The following GABBR2 variants were observed in gnomAD, a reference collection of about 807,000 sequenced individuals.
GABBR2 encodes the protein G-protein coupled receptor 51.
Under a neutral mutation model 105.6 loss-of-function variants are expected in GABBR2, and 23 were observed. That is an observed-to-expected ratio of 0.22 (90% CI 0.16 to 0.31). The LOEUF is 0.31. Ranked by LOEUF, GABBR2 falls within the 10% of genes least tolerant of loss-of-function variation. GABBR2 has a pLI of 1.00. For synonymous variants in GABBR2, 478 were observed against 499.7 expected, an observed-to-expected ratio of 0.96 and a Z score of 0.58; for missense variants, 734 against 1,245.5, an observed-to-expected ratio of 0.59 and a Z score of 6.18.
At chr9:98,537,156 AG>A (rs1012606412) in intron 3 of GABBR2, among the ~76,000 whole-genome samples, 2 of 152,202 alleles carry the variant, frequency 1.3e-5, no homozygotes, top group African/African-American at 4.8e-5. Context: ...CCTGGGCATC[AG>A]GATTTTCAAA....
intron 13 of GABBR2, among the ~76,000 whole-genome samples, chr9:98,330,793 G>A (rs1035354674): frequency 9.2e-5 from 14 of 152,140 alleles, no homozygotes; most frequent in Admixed American, 3.3e-4. Context: ...ACCATTTTAG[G>A]TGTATAATTC....
chr9:98,461,286 A>C lies in GABBR2; in HGVS notation c.1000-7069T>G, dbSNP rs915012167. On this transcript the variant is annotated intron_variant, in intron 6 of 18. Coordinates refer to ENST00000259455, the MANE Select transcript of GABBR2 (RefSeq NM_005458.8). ...GCCAAGAAAATCTTAAAGAAGAACA[A>C]AGATTAAGGATTTATACTACAAAGT... Among the ~76,000 whole-genome samples, 6 of 152,304 alleles carry C rather than the reference A, an allele frequency of 3.9e-5. No individual in the cohort carries two copies. The East Asian group carries it at 1.2e-3, about 29-fold the overall frequency.
chr9:98,622,516 G>C (rs1246096518), intron 1 of GABBR2, among the ~76,000 whole-genome samples: 1 of 78,598 alleles, frequency 1.3e-5, no homozygotes, highest in African/African-American at 3.8e-5. Context: ...TGTTCAGCTA[G>C]CTATGTACTG....
intron 7 of GABBR2, among the ~76,000 whole-genome samples, chr9:98,419,147 G>A (rs1381606797): frequency 2.6e-5 from 4 of 152,194 alleles, no homozygotes; most frequent in South Asian, 2.1e-4. Context: ...TGCAGCAGCC[G>A]TCCAGGCGCC....
chr9:98,509,433 G>A (rs763305834), intron 3 of GABBR2, among the ~76,000 whole-genome samples: 24 of 152,312 alleles, frequency 1.6e-4, no homozygotes, highest in Middle Eastern at 3.4e-3. Flanking sequence ...TGACTTTGAC[G>A]AGTTGAGAGA....
At chr9:98,626,655 G>A (rs180746714) in intron 1 of GABBR2, among the ~76,000 whole-genome samples, 8 of 152,258 alleles carry the variant, frequency 5.3e-5, no homozygotes, top group South Asian at 4.2e-4. Flanking sequence ...GTAAATAGCC[G>A]TACTTGAAAA....
At chr9:98,385,257 A>G (rs192388341) in intron 11 of GABBR2, among the ~76,000 whole-genome samples, 29 of 152,276 alleles carry the variant, frequency 1.9e-4, no homozygotes, top group African/African-American at 6.5e-4. Context: ...AGGCTGGGGC[A>G]CAGTGACGCG....
At chr9:98,411,338 T>C (rs1832587791) in intron 7 of GABBR2, among the ~76,000 whole-genome samples, 1 of 152,074 alleles carries the variant, frequency 6.6e-6, no homozygotes, top group Non-Finnish European at 1.5e-5. Context: ...CCAACAAGAG[T>C]AAATATTGCC....
At chr9:98,302,309 C>T (rs1192769475) in intron 16 of GABBR2, among the ~76,000 whole-genome samples, 1 of 152,136 alleles carries the variant, frequency 6.6e-6, no homozygotes, top group Non-Finnish European at 1.5e-5. Flanking sequence ...CTATCTCTTC[C>T]CCTCCTGACA....
At chr9:98,405,364 A>G (rs1031733246) in intron 8 of GABBR2, among the ~76,000 whole-genome samples, 1 of 152,116 alleles carries the variant, frequency 6.6e-6, no homozygotes, top group Non-Finnish European at 1.5e-5. Flanking sequence ...AGGCTGCAGT[A>G]TGCTATGAAC....
intron 11 of GABBR2, among the ~76,000 whole-genome samples, chr9:98,373,284 TACA>T (rs2131465843): frequency 6.6e-6 from 1 of 152,302 alleles, no homozygotes; most frequent in African/African-American, 2.4e-5. Context: ...AGGCAAAGTA[TACA>T]ACAATAAAAA....
At chr9:98,514,656 G>A (rs56339226) in intron 3 of GABBR2, among the ~76,000 whole-genome samples, 11,193 of 110,800 alleles carry the variant, frequency 0.1, 606 homozygotes, top group African/African-American at 0.14. Context: ...TTGTAGGGTG[G>A]GGGGAGGGGG....
chr9:98,353,805 GT>G (rs200602888), intron 13 of GABBR2, among the ~76,000 whole-genome samples: 1 of 35,910 alleles, frequency 2.8e-5, no homozygotes, highest in East Asian at 5.7e-4. Flanking sequence ...TTGGATCATG[GT>G]GGGGGGGGGT....
At chr9:98,381,984 C>G (rs978544477) in intron 11 of GABBR2, among the ~76,000 whole-genome samples, 1 of 152,136 alleles carries the variant, frequency 6.6e-6, no homozygotes, top group Non-Finnish European at 1.5e-5. Flanking sequence ...CTTGAGAAAG[C>G]ACCTGTGCTT....
At chr9:98,417,717 A>G (rs559506787) in intron 7 of GABBR2, among the ~76,000 whole-genome samples, 1 of 152,222 alleles carries the variant, frequency 6.6e-6, no homozygotes, top group Non-Finnish European at 1.5e-5. Context: ...TCCCAGTCTA[A>G]CAGAGATGAC....
At chr9:98,308,753 A>G (rs1830590376) in intron 14 of GABBR2, among the ~76,000 whole-genome samples, 1 of 152,342 alleles carries the variant, frequency 6.6e-6, no homozygotes, top group Non-Finnish European at 1.5e-5. Flanking sequence ...CAGAGGGACC[A>G]CAAGTGTCTG....
intron 1 of GABBR2, among the ~76,000 whole-genome samples, chr9:98,661,387 T>C (rs1057060987): frequency 9.9e-5 from 15 of 151,930 alleles, no homozygotes; most frequent in African/African-American, 3.6e-4. Context: ...CTTTTGTGTA[T>C]TGAGACGTGT....
At chr9:98,578,978 T>C (rs763825316) in intron 1 of GABBR2, among the ~76,000 whole-genome samples, 7 of 152,162 alleles carry the variant, frequency 4.6e-5, no homozygotes, top group African/African-American at 1.7e-4. Flanking sequence ...GGGGTCTTCA[T>C]TGTTTGACAG....
chr9:98,445,658 G>A (rs1000694787), intron 7 of GABBR2, among the ~76,000 whole-genome samples: 1 of 152,252 alleles, frequency 6.6e-6, no homozygotes, highest in Non-Finnish European at 1.5e-5. Flanking sequence ...ATTGCACTGG[G>A]TGTTGTACCA....
Sources: allele counts gnomAD v4.1 joint callset (sites outside exome capture counted in the v4.1 genomes callset), GRCh38; gene constraint gnomAD v4.1.1; transcripts MANE v1.5; gene names NCBI Gene and HGNC (gene_info 2026-07-23, HGNC 2026-07-21).